The following LDB2 variants were observed in gnomAD, a reference collection of about 807,000 sequenced individuals.
LDB2 encodes LIM domain-binding protein 2.
Under a neutral mutation model 44.3 loss-of-function variants are expected in LDB2, and 12 were observed. The ratio of observed to expected loss-of-function variants is 0.27; its 90% confidence interval spans 0.17 to 0.44. LDB2 has a LOEUF of 0.44. Ranked by LOEUF, LDB2 falls within the 20% of genes least tolerant of loss-of-function variation. LDB2 has a pLI of 1.00. For missense variants in LDB2, 344 were observed against 473.5 expected (o/e 0.73, Z 2.54); for synonymous variants, 164 against 174.8 (o/e 0.94, Z 0.49).
At chr4:16,752,894 AAG>A (rs1364265482) in intron 2 of LDB2, among the ~76,000 whole-genome samples, 7 of 152,086 alleles carry the variant, frequency 4.6e-5, no homozygotes, top group African/African-American at 1.4e-4. Flanking sequence ...AAAAAAAAAA[AAG>A]AAGGAGGAAT....
At chr4:16,585,034 CT>C (rs1351401767) in intron 5 of LDB2, among the ~76,000 whole-genome samples, 3 of 152,192 alleles carry the variant, frequency 2.0e-5, no homozygotes, top group Non-Finnish European at 4.4e-5. Context: ...GAAAACTCTC[CT>C]GTTCCCTGAC....
At position 16,709,763 on chromosome 4, in the gene LDB2, A is replaced by G. The variant is rs1374045414; in HGVS notation, c.235+49395T>C. On this transcript the variant is annotated intron_variant, in intron 2 of 7. Coordinates refer to ENST00000304523, the MANE Select transcript of LDB2 (RefSeq NM_001290.5). ...AGAAGAATTTTCAATTTCTTCTGAA[A>G]TATCAGAGGATCTTGAAATACTATA... is the stretch of plus-strand genomic sequence containing the variant. 2.0e-5 allele frequency among the ~76,000 whole-genome samples: 3 copies of G among 152,204 alleles called. No homozygotes were observed. In the East Asian group the frequency reaches 5.8e-4, roughly 29 times the overall value.
At chr4:16,837,446 G>T (rs975611372) in intron 1 of LDB2, among the ~76,000 whole-genome samples, 1 of 152,088 alleles carries the variant, frequency 6.6e-6, no homozygotes, top group Non-Finnish European at 1.5e-5. Context: ...TTCATACCTT[G>T]GCATAGTCTC....
At chr4:16,540,841 C>CT (rs1039683456) in intron 5 of LDB2, among the ~76,000 whole-genome samples, 3 of 152,112 alleles carry the variant, frequency 2.0e-5, no homozygotes, top group African/African-American at 4.8e-5. Flanking sequence ...GGCTTTCAGT[C>CT]TTTGACAACT....
intron 1 of LDB2, among the ~76,000 whole-genome samples, chr4:16,868,935 T>C (rs1715608415): frequency 6.6e-6 from 1 of 152,110 alleles, no homozygotes; most frequent in Admixed American, 6.5e-5. Context: ...TTACTGGTGA[T>C]GATGATGCCG....
chr4:16,655,340 C>A (rs1284409914), intron 2 of LDB2, among the ~76,000 whole-genome samples: 1 of 152,124 alleles, frequency 6.6e-6, no homozygotes, highest in Non-Finnish European at 1.5e-5. Context: ...AAGGACAAGG[C>A]ACGCTGATGG....
At chr4:16,557,187 C>G (rs1486992949) in intron 5 of LDB2, among the ~76,000 whole-genome samples, 2 of 152,130 alleles carry the variant, frequency 1.3e-5, no homozygotes, top group African/African-American at 4.8e-5. Context: ...TCTGAGGTAC[C>G]AGGTTCATCT....
At chr4:16,597,879 G>A (rs1269964278) in intron 2 of LDB2, among the ~76,000 whole-genome samples, 2 of 152,142 alleles carry the variant, frequency 1.3e-5, no homozygotes, top group Non-Finnish European at 2.9e-5. Flanking sequence ...TCCAGAAAAT[G>A]TACAAATTAT....
chr4:16,885,872 A>C (rs1472101338), intron 1 of LDB2, among the ~76,000 whole-genome samples: 1 of 152,190 alleles, frequency 6.6e-6, no homozygotes, highest in African/African-American at 2.4e-5. Flanking sequence ...AATAGTCATC[A>C]TAGTTAACTC....
At chr4:16,644,594 A>T (rs1736160733) in intron 2 of LDB2, among the ~76,000 whole-genome samples, 1 of 151,680 alleles carries the variant, frequency 6.6e-6, no homozygotes, top group South Asian at 2.1e-4. Context: ...TGCCCAGCTA[A>T]TTTTTTTGTG....
intron 1 of LDB2, among the ~76,000 whole-genome samples, chr4:16,761,876 T>G (rs1767994756): frequency 6.6e-6 from 1 of 152,046 alleles, no homozygotes; most frequent in African/African-American, 2.4e-5. Flanking sequence ...GATGTGGTGG[T>G]TCATGCCTGT....
At chr4:16,512,829 C>T (rs1027148884) in intron 5 of LDB2, among the ~76,000 whole-genome samples, 15 of 152,096 alleles carry the variant, frequency 9.9e-5, no homozygotes, top group African/African-American at 3.6e-4. Context: ...TTACTTTGGT[C>T]TAAGACATCT....
Position 16,502,680 on chromosome 4 carries a change from G to C in LDB2, c.1085C>G (p.Thr362Ser), listed in dbSNP as rs1401759009. Residue 362 changes from threonine to serine, a missense_variant, in exon 8 of 8, where the codon ACC becomes AGC. Thr to Ser is a moderately conservative substitution (Grantham distance 58, BLOSUM62 1). Coordinates refer to ENST00000304523, the MANE Select transcript of LDB2 (RefSeq NM_001290.5). ...CTGGGGTGGGGGGTTTTCTGATTTG[G>C]TCTCTTGAGTGGCGGGAGGTTTACT... ...WNSKPPATQE[T>S]KSENPPPQAS... The C allele has an allele frequency of 6.2e-7, 1 of 1,614,028 alleles. No homozygotes were observed. The highest frequency in any genetic ancestry group is 8.5e-7 in the Non-Finnish European group (1 of 1,179,952).
chr4:16,593,123 G>A (rs929569044), intron 3 of LDB2, among the ~76,000 whole-genome samples: 1 of 152,066 alleles, frequency 6.6e-6, no homozygotes, highest in Non-Finnish European at 1.5e-5. Flanking sequence ...TTAGGATTGC[G>A]ACTGATTTTT....
intron 2 of LDB2, among the ~76,000 whole-genome samples, chr4:16,660,402 C>G (rs1416297032): frequency 6.6e-6 from 1 of 152,126 alleles, no homozygotes; most frequent in African/African-American, 2.4e-5. Context: ...GTGATACCTG[C>G]TCATCTGACC....
chr4:16,876,702 A>T (rs1718487622), intron 1 of LDB2, among the ~76,000 whole-genome samples: 1 of 152,032 alleles, frequency 6.6e-6, no homozygotes, highest in African/African-American at 2.4e-5. Flanking sequence ...AGCTAATTCT[A>T]CCACAAATCT....
chr4:16,823,914 C>A (rs923256371), intron 1 of LDB2, among the ~76,000 whole-genome samples: 2 of 152,212 alleles, frequency 1.3e-5, no homozygotes, highest in Non-Finnish European at 2.9e-5. Context: ...CAAGAACCAG[C>A]TGGTTGATAA....
chr4:16,573,110 G>A (rs1006012210), intron 5 of LDB2, among the ~76,000 whole-genome samples: 3 of 152,210 alleles, frequency 2.0e-5, no homozygotes, highest in Non-Finnish European at 4.4e-5. Context: ...AAACGTTGCT[G>A]CGGGATCGGC....
intron 2 of LDB2, among the ~76,000 whole-genome samples, chr4:16,746,363 C>T (rs766800920): frequency 2.6e-5 from 4 of 152,236 alleles, no homozygotes; most frequent in Admixed American, 6.5e-5. Context: ...GAAGTACTTA[C>T]GTGGGACTAA....
Sources: allele counts gnomAD v4.1 joint callset (sites outside exome capture counted in the v4.1 genomes callset), GRCh38; gene constraint gnomAD v4.1.1; transcripts MANE v1.5; gene names NCBI Gene and HGNC (gene_info 2026-07-23, HGNC 2026-07-21).